Variants in RAD21 observed in about 807,000 individuals in gnomAD.
RAD21 encodes RAD21 cohesin complex component.
In RAD21, 18 loss-of-function variants were observed where a neutral mutation model predicts 71.5. That is an observed-to-expected ratio of 0.25 (90% CI 0.17 to 0.37). The LOEUF (loss-of-function observed/expected upper bound fraction) is 0.37. Ranked by LOEUF, RAD21 falls within the 10% of genes least tolerant of loss-of-function variation. RAD21 has a pLI of 1.00. For synonymous variants in RAD21, 248 were observed against 254.0 expected, an observed-to-expected ratio of 0.98 and a Z score of 0.22; for missense variants, 493 against 769.1, an observed-to-expected ratio of 0.64 and a Z score of 4.25.
intron 1 of RAD21, among the ~76,000 whole-genome samples, chr8:116,868,936 A>C (rs775727377): frequency 6.6e-6 from 1 of 151,076 alleles, no homozygotes; most frequent in Non-Finnish European, 1.5e-5. Flanking sequence ...GCACGCACAC[A>C]CCCCCCACAA....
intron 12 of RAD21, 174 bp from the exon 13 acceptor site, chr8:116,849,203 G>A (rs906962032): frequency 2.6e-5 from 12 of 462,842 alleles, no homozygotes; most frequent in East Asian, 2.3e-4. Context: ...AAACTGAAGA[G>A]TCTGTTTTTC....
Position 116,847,510 on chromosome 8 carries a change from T to A in RAD21, c.1886A>T (p.His629Leu). 1 of 1,609,334 alleles carries A rather than the reference T, an allele frequency of 6.2e-7. No individual in the cohort carries two copies. Among genetic ancestry groups the A allele is most frequent in the East Asian group, 2.2e-5 (1 of 44,828 alleles). ...AATGCTTCTAGCTCCTTATATAATA[T>A]GGAACCTTGGTCCAGGTGTTGCGAT... is the stretch of plus-strand genomic sequence containing the variant. ...DIIATPGPRF[H>L]II The change falls in exon 14 of 14, where the codon CAT becomes CTT. Residue 629 changes from histidine to leucine, a missense_variant. By Grantham distance (99) the His-to-Leu change is moderately conservative. Coordinates refer to ENST00000297338, the MANE Select transcript of RAD21 (RefSeq NM_006265.3).
chr8:116,864,721 G>A (rs545619903), intron 2 of RAD21, among the ~76,000 whole-genome samples: 1 of 152,224 alleles, frequency 6.6e-6, no homozygotes, highest in African/African-American at 2.4e-5. Context: ...TCTAGAACTA[G>A]CAACTTTCAA....
At chr8:116,863,979 T>C (rs1446077876) in intron 2 of RAD21, among the ~76,000 whole-genome samples, 2 of 152,058 alleles carry the variant, frequency 1.3e-5, no homozygotes, top group East Asian at 1.9e-4. Context: ...TTTCCATTAA[T>C]TGGAAAGCAT....
intron 13 of RAD21, 109 bp from the exon 14 acceptor site, chr8:116,847,800 C>T (rs1158198544): frequency 1.0e-5 from 11 of 1,074,552 alleles, no homozygotes; most frequent in Admixed American, 8.2e-5. Context: ...CATGCTGAAA[C>T]GTAATTTCCC....
intron 1 of RAD21, among the ~76,000 whole-genome samples, chr8:116,871,861 G>T (rs910059958): frequency 6.6e-6 from 1 of 152,212 alleles, no homozygotes; most frequent in Non-Finnish European, 1.5e-5. Context: ...AATGGAAGTG[G>T]AACTTGAACT....
chr8:116,848,762 A>T lies in RAD21; in HGVS notation c.1704+184T>A, dbSNP rs546430618. ...ATTTAATTAAAACTTAAACTATAAT[A>T]AAAAAAAAAAAGAAAAGAAAACTCT... On this transcript the variant is annotated intron_variant, in intron 13 of 13. Coordinates refer to ENST00000297338, the MANE Select transcript of RAD21 (RefSeq NM_006265.3). The T allele has an allele frequency of 1.3e-3, 237 of 183,066 alleles. 1 individual carries two copies. The South Asian group carries it at 0.032, about 25-fold the overall frequency. 11.3% of individuals were successfully genotyped at this position (183,066 alleles called of 1,614,324 possible). A position where few individuals can be genotyped will look rare whatever the true frequency, so the allele number is the denominator to read the frequency against.
chr8:116,857,632 C>T (rs1812497481), intron 5 of RAD21, among the ~76,000 whole-genome samples, 159 bp from the exon 6 acceptor site: 1 of 152,158 alleles, frequency 6.6e-6, no homozygotes, highest in Non-Finnish European at 1.5e-5. Flanking sequence ...TCTTTAGCAT[C>T]TGAATTTTTT....
chr8:116,864,872 G>A (rs1178594154), intron 2 of RAD21, among the ~76,000 whole-genome samples: 1 of 152,106 alleles, frequency 6.6e-6, no homozygotes, highest in Non-Finnish European at 1.5e-5. Context: ...AAAGATTCCA[G>A]GCTACATATT....
Position 116,874,719 on chromosome 8 carries a change from A to G in RAD21, c.-141T>C. The G allele has an allele frequency of 2.2e-6, 1 of 449,700 alleles. No homozygotes were observed. Among genetic ancestry groups the G allele is most frequent in the Non-Finnish European group, 4.5e-6 (1 of 223,502 alleles). The allele number at this position is 449,700 out of a possible 1,614,324, so 27.9% of individuals were successfully genotyped here. A position where few individuals can be genotyped will look rare whatever the true frequency, so the allele number is the denominator to read the frequency against. On this transcript the variant is annotated 5_prime_UTR_variant, in exon 1 of 14. Transcript: ENST00000297338. Reference sequence around the variant, plus strand: ...CCCTTGCGAGGTGTAGCTTCCGAGCAGCTCCCGCCGCCGCCACAGCCGGCG... The same window carrying G: ...CCCTTGCGAGGTGTAGCTTCCGAGCGGCTCCCGCCGCCGCCACAGCCGGCG...
In RAD21 at chr8:116,852,527, G is replaced by A. The variant is rs376203382; in HGVS notation, c.1321+22C>T. The A allele has an allele frequency of 1.2e-4, 186 of 1,571,426 alleles. No homozygotes were observed. In the African/African-American group the frequency reaches 2.4e-3, roughly 21 times the overall value. On this transcript the variant is annotated intron_variant, in intron 10 of 13. Transcript: ENST00000297338. The stretch of plus-strand genomic sequence containing the variant: ...AAATACTCATGTGAACTTCATCAAG[G>A]AACTATTCCAACAGAACAAACCGAT...
At position 116,863,222 on chromosome 8, in the gene RAD21, AGT is replaced by A; in HGVS notation, c.180_181del (p.Leu60PhefsTer19). On this transcript the variant is annotated frameshift_variant, in exon 3 of 14. Coordinates refer to ENST00000297338, the MANE Select transcript of RAD21 (RefSeq NM_006265.3). LOFTEE classifies it high-confidence loss of function. ...CCTGTGATAGATTCGAACTACTCCC[AGT>A]AAGAGATGTCCTGATGTCCGTAATG... 1 of 1,612,266 alleles carries A rather than the reference AGT, an allele frequency of 6.2e-7. No homozygotes were observed. Among genetic ancestry groups the A allele is most frequent in the Non-Finnish European group, 8.5e-7 (1 of 1,178,650 alleles).
chr8:116,852,191 C>T (rs1812363980), intron 10 of RAD21, 95 bp from the exon 11 acceptor site: 1 of 1,140,356 alleles, frequency 8.8e-7, no homozygotes, highest in Non-Finnish European at 1.2e-6. Flanking sequence ...CTAAGACATA[C>T]ATAATGCTTT....
At chr8:116,867,408 G>A (rs1284435891) in intron 1 of RAD21, among the ~76,000 whole-genome samples, 1 of 152,042 alleles carries the variant, frequency 6.6e-6, no homozygotes, top group Non-Finnish European at 1.5e-5. Context: ...ATTAAATCAG[G>A]GACAATGGTA....
intron 13 of RAD21, among the ~76,000 whole-genome samples, 199 bp from the exon 14 acceptor site, chr8:116,847,890 T>C (rs1400692154): frequency 1.3e-5 from 2 of 152,130 alleles, no homozygotes; most frequent in Non-Finnish European, 2.9e-5. Flanking sequence ...TATCAATCAC[T>C]CCCTGTGGCA....
intron 11 of RAD21, 89 bp downstream of exon 11, chr8:116,851,859 A>G: frequency 7.2e-7 from 1 of 1,392,682 alleles, no homozygotes; most frequent in East Asian, 2.3e-5. Flanking sequence ...GTCAAAACCA[A>G]GATACTTTAA....
At chr8:116,853,781 T>C (rs753831754) in intron 9 of RAD21, among the ~76,000 whole-genome samples, 1 of 152,132 alleles carries the variant, frequency 6.6e-6, no homozygotes, top group Non-Finnish European at 1.5e-5. Context: ...GTGAGTCTTA[T>C]TTTGGAATAC....
chr8:116,857,522 C>G, intron 5 of RAD21, 49 bp from the exon 6 acceptor site: 1 of 1,471,804 alleles, frequency 6.8e-7, no homozygotes, highest in African/African-American at 1.4e-5. Context: ...AGAAATAGCA[C>G]TGTGATAAAA....
rs1812247944 is a variant in RAD21, at chr8:116,846,061, G to C, written c.*1439C>G. 8.7e-6 allele frequency: 2 copies of C among 231,070 alleles called. No individual in the cohort carries two copies. The highest frequency in any genetic ancestry group is 1.7e-5 in the Non-Finnish European group (2 of 116,478). The allele number at this position is 231,070 out of a possible 1,614,324, so 14.3% of individuals were successfully genotyped here. A position where few individuals can be genotyped will look rare whatever the true frequency, so the allele number is the denominator to read the frequency against. The stretch of plus-strand genomic sequence containing the variant: ...ACAAAATGTGTAACAAGAAACTAAT[G>C]ACCTTTCTAAAATCAAACATTCAAT... On this transcript the variant is annotated 3_prime_UTR_variant, in exon 14 of 14. Transcript: ENST00000297338.
Sources: gnomAD v4.1 joint callset for allele counts (sites outside exome capture counted in the v4.1 genomes callset) on GRCh38, gnomAD v4.1.1 for gene constraint, MANE v1.5 for transcripts, NCBI Gene and HGNC (gene_info 2026-07-23, HGNC 2026-07-21) for gene names.